Variants in SLC5A10 observed in about 807,000 individuals in gnomAD.
SLC5A10 encodes the protein sodium/mannose cotransporter SLC5A10.
SLC5A10 carries 55 observed loss-of-function variants against 68.9 expected under a neutral mutation model. That is an observed-to-expected ratio of 0.80 (90% CI 0.64 to 1.00). SLC5A10 has a LOEUF of 1.00. Ranked by LOEUF, SLC5A10 falls within the 50% of genes least tolerant of loss-of-function variation. The pLI, the probability that SLC5A10 is intolerant of heterozygous loss-of-function variation, is 0.00. For synonymous variants in SLC5A10, 344 were observed against 344.8 expected (o/e 1.00, Z 0.02); for missense variants, 732 against 819.3 (o/e 0.89, Z 1.30).
intron 9 of SLC5A10, among the ~76,000 whole-genome samples, chr17:18,981,219 G>A (rs991408951): frequency 5.3e-5 from 8 of 152,148 alleles, no homozygotes; most frequent in Admixed American, 1.3e-4. Flanking sequence ...GGAGGCTCCC[G>A]GGAGAGGATG....
intron 5 of SLC5A10, among the ~76,000 whole-genome samples, chr17:18,962,993 G>A (rs1019922179): frequency 3.3e-5 from 5 of 152,176 alleles, no homozygotes; most frequent in African/African-American, 9.7e-5. Flanking sequence ...TGAGGCAGGC[G>A]GATTGCCTGA....
intron 9 of SLC5A10, among the ~76,000 whole-genome samples, chr17:18,998,622 C>G (rs1195960689): frequency 6.6e-6 from 1 of 152,238 alleles, no homozygotes; most frequent in Non-Finnish European, 1.5e-5. Context: ...CGGGCAGGCA[C>G]TCTCTCCTTA....
Position 19,004,006 on chromosome 17 carries a change from G to T in SLC5A10, c.983-9404G>T, listed in dbSNP as rs774989252. 6.2e-7 allele frequency: 1 copy of T among 1,610,866 alleles called. No individual in the cohort carries two copies. The highest frequency in any genetic ancestry group is 8.5e-7 in the Non-Finnish European group (1 of 1,178,798). ...ACTCGCTGGAGCGCCAGTTCACATG[G>T]TTGTCGTCCAGACACTGCACCTGAG... On this transcript the variant is annotated intron_variant, in intron 9 of 14. Coordinates refer to ENST00000395645, the MANE Select transcript of SLC5A10 (RefSeq NM_001042450.4). This position sits in a 1 kb window ranked among gnomAD's most constrained non-coding sequence, Gnocchi z 5.4.
rs1242181249 is a variant in SLC5A10, at chr17:19,004,792, G to A, written c.983-8618G>A. ...TGGGCGGGGGCGCGCCGGTGACTCA[G>A]GGCCGCCCCGCTTACCCCGCCGCCG... On this transcript the variant is annotated intron_variant, in intron 9 of 14. Transcript: ENST00000395645. This position sits in a 1 kb window ranked among gnomAD's most constrained non-coding sequence, Gnocchi z 5.4. 2 of 150,818 alleles carry A rather than the reference G, an allele frequency of 1.3e-5. No homozygotes were observed. Among genetic ancestry groups the A allele is most frequent in the African/African-American group, 4.8e-5 (2 of 41,266 alleles). 9.3% of individuals were successfully genotyped at this position (150,818 alleles called of 1,614,324 possible). A position where few individuals can be genotyped will look rare whatever the true frequency, so the allele number is the denominator to read the frequency against.
chr17:18,959,092 G>A (rs776564750), intron 2 of SLC5A10, 43 bp from the exon 3 acceptor site: 108 of 1,576,720 alleles, frequency 6.8e-5, no homozygotes, highest in South Asian at 1.1e-4. Context: ...TGGGGCCGGC[G>A]CAGGGAGCCT....
chr17:18,971,550 G>C lies in SLC5A10; in HGVS notation c.846+332G>C, dbSNP rs1391013268. On this transcript the variant is annotated intron_variant, in intron 8 of 14. Transcript: ENST00000395645. The surrounding 1 kb of genome is among the most constrained non-coding windows in gnomAD (Gnocchi z 5.5). ...GGGCGGGCATTTTGGGCCAGTCTTGGGCTGCCGGGATCCGGAAGCAGGCGG... is the reference window on the plus strand; with the variant it reads ...GGGCGGGCATTTTGGGCCAGTCTTGCGCTGCCGGGATCCGGAAGCAGGCGG... The C allele has an allele frequency of 1.9e-6, 3 of 1,613,784 alleles. No individual in the cohort carries two copies. The highest frequency in any genetic ancestry group is 2.5e-6 in the Non-Finnish European group (3 of 1,180,024).
chr17:18,969,034 G>T lies in SLC5A10; in HGVS notation c.454-18G>T. 2 of 1,606,696 alleles carry T rather than the reference G, an allele frequency of 1.2e-6. No homozygotes were observed. Among genetic ancestry groups the T allele is most frequent in the Non-Finnish European group, 8.5e-7 (1 of 1,176,524 alleles). On this transcript the variant is annotated intron_variant, in intron 5 of 14. Coordinates refer to ENST00000395645, the MANE Select transcript of SLC5A10 (RefSeq NM_001042450.4). ...CCCTGGGAATAACAGTCCCACACAA[G>T]GCTCTCTCCCTCCGCAGCTGGACCT...
chr17:19,009,409 T>TG (rs140888832), intron 9 of SLC5A10, among the ~76,000 whole-genome samples: 4,253 of 152,028 alleles, frequency 0.028, 190 homozygotes, highest in African/African-American at 0.096. Context: ...TTAATTGAGA[T>TG]GGGGTCTCCC....
rs140712039 is a variant in SLC5A10 at position 18,984,113 on chromosome 17, C to T, written c.982+7124C>T. Among the ~76,000 whole-genome samples the T allele has an allele frequency of 5.7e-3, 869 of 152,212 alleles. 4 individuals carry two copies. Among genetic ancestry groups the T allele is most frequent in the Non-Finnish European group, 9.3e-3 (629 of 67,998 alleles). On this transcript the variant is annotated intron_variant, in intron 9 of 14. Transcript: ENST00000395645. ...ATCCCCGCACTTTGGGAGGCCGAGG[C>T]GGGCGGATCACGAGGTCAGCAGATC...
intron 11 of SLC5A10, chr17:19,019,200 T>TA (rs796411051): frequency 8.6e-5 from 49 of 569,976 alleles, no homozygotes; most frequent in African/African-American, 6.2e-4. Context: ...AGACAGCACT[T>TA]AGAGTCAGGA....
At chr17:18,958,784 C>G (rs770054604) in intron 2 of SLC5A10, 31 bp downstream of exon 2, 3 of 1,612,234 alleles carry the variant, frequency 1.9e-6, no homozygotes, top group East Asian at 4.5e-5. Flanking sequence ...CACACACCCC[C>G]ACTTTGTCCG....
chr17:18,998,992 T>G (rs1225707106), intron 9 of SLC5A10, among the ~76,000 whole-genome samples: 1 of 152,184 alleles, frequency 6.6e-6, no homozygotes, highest in East Asian at 1.9e-4. Context: ...ATGAAAACGC[T>G]TTTACTGCCA....
Position 19,013,446 on chromosome 17 carries a change from G to A in SLC5A10, c.1019G>A (p.Arg340Gln), listed in dbSNP as rs1318455835. ...TGCGTGGTGCCGTCCGAGTGCCTGC[G>A]GGCCTGCGGGGCCGAGGTCGGCTGC... is the stretch of plus-strand genomic sequence containing the variant. ...VGCVVPSECL[R>Q]ACGAEVGCSN... Residue 340 changes from arginine to glutamine, a missense_variant, in exon 10 of 15, where the codon CGG (arginine) becomes CAG (glutamine). Transcript: ENST00000395645. 9.3e-6 allele frequency: 15 copies of A among 1,605,044 alleles called. No homozygotes were observed. Among genetic ancestry groups the A allele is most frequent in the Middle Eastern group, 1.6e-4 (1 of 6,062 alleles).
At chr17:18,978,736 C>A in intron 9 of SLC5A10, 1 of 1,612,980 alleles carries the variant, frequency 6.2e-7, no homozygotes, top group Non-Finnish European at 8.5e-7. Flanking sequence ...CCTTGAGGCT[C>A]ACACTGTGTG....
intron 9 of SLC5A10, chr17:18,978,091 C>A (rs2152009117): frequency 6.6e-7 from 1 of 1,516,310 alleles, no homozygotes; most frequent in Non-Finnish European, 8.8e-7. Context: ...GCTCCAGGAC[C>A]CAGCCAATAT....
At chr17:18,982,566 G>A (rs1489262511) in intron 9 of SLC5A10, among the ~76,000 whole-genome samples, 2 of 152,214 alleles carry the variant, frequency 1.3e-5, no homozygotes, top group African/African-American at 4.8e-5. Flanking sequence ...AAGAGAGGAC[G>A]TCAAGGGCGA....
chr17:19,015,142 A>G lies in SLC5A10; in HGVS notation c.1184A>G (p.Asp395Gly), dbSNP rs761973191. The G allele has an allele frequency of 6.8e-7, 1 of 1,478,532 alleles. No individual in the cohort carries two copies. The highest frequency in any genetic ancestry group is 1.8e-5 in the Admixed American group (1 of 56,284). The allele number at this position is 1,478,532 out of a possible 1,614,324, so 91.6% of individuals were successfully genotyped here. A position where few individuals can be genotyped will look rare whatever the true frequency, so the allele number is the denominator to read the frequency against. ...AGCAGCAGCACCCTCTTCACTATGG[A>G]CATCTGGAGGCGGCTGCGTCCCCGC... Reference protein sequence around the residue: ...FNSSSTLFTMDIWRRLRPRSG... With the variant: ...FNSSSTLFTMGIWRRLRPRSG... Residue 395 changes from aspartate (D) to glycine (G), a missense_variant, in exon 11 of 15, where the codon GAC becomes GGC. Transcript: ENST00000395645.
At chr17:18,997,542 C>T (rs2043598383) in intron 9 of SLC5A10, among the ~76,000 whole-genome samples, 1 of 152,220 alleles carries the variant, frequency 6.6e-6, no homozygotes, top group Non-Finnish European at 1.5e-5. Context: ...TTTAAAACCT[C>T]AGCTTCTCCA....
intron 3 of SLC5A10, 23 bp from the exon 4 acceptor site, chr17:18,959,581 C>T: frequency 2.5e-6 from 4 of 1,612,946 alleles, no homozygotes; most frequent in Non-Finnish European, 2.5e-6. Flanking sequence ...ACCTGCAGTC[C>T]TCACCTGTCT....
Sources: gnomAD v4.1 joint callset for allele counts (sites outside exome capture counted in the v4.1 genomes callset) on GRCh38, gnomAD v4.1.1 for gene constraint, Gnocchi (gnomAD v3.1) non-coding constraint, MANE v1.5 for transcripts, NCBI Gene and HGNC (gene_info 2026-07-23, HGNC 2026-07-21) for gene names.